Variants in NRG3 observed in about 807,000 individuals in gnomAD.
The protein encoded by NRG3 is pro-neuregulin-3, membrane-bound isoform.
In NRG3, 31 loss-of-function variants were observed where a neutral mutation model predicts 66.9. The ratio of observed to expected loss-of-function variants is 0.46; its 90% confidence interval spans 0.35 to 0.63. The LOEUF (loss-of-function observed/expected upper bound fraction) is 0.63, where lower values mean the gene tolerates loss of function less well. NRG3 is among the 20% of genes least tolerant of loss of function. NRG3 has a pLI of 0.00. For missense variants in NRG3, 910 were observed against 878.9 expected (o/e 1.04, Z -0.45); for synonymous variants, 393 against 359.4 (o/e 1.09, Z -1.06).
At chr10:82,462,395 C>CAT (rs139240439) in intron 2 of NRG3, among the ~76,000 whole-genome samples, 4,778 of 150,680 alleles carry the variant, frequency 0.032, 191 homozygotes, top group African/African-American at 0.097. Context: ...TACATATACA[C>CAT]ATATATATAT....
chr10:82,892,289 A>T (rs1843223126), intron 4 of NRG3, among the ~76,000 whole-genome samples: 1 of 152,162 alleles, frequency 6.6e-6, no homozygotes, highest in African/African-American at 2.4e-5. Context: ...TAGCCAAAAA[A>T]AAAGGCAAGC....
chr10:82,017,332 C>G (rs770964485), intron 1 of NRG3, among the ~76,000 whole-genome samples: 30 of 152,184 alleles, frequency 2.0e-4, no homozygotes, highest in Non-Finnish European at 4.0e-4. Flanking sequence ...TCCATCCAGT[C>G]TATCATTGTT....
chr10:82,075,055 T>C (rs917835574), intron 1 of NRG3, among the ~76,000 whole-genome samples: 2 of 152,200 alleles, frequency 1.3e-5, no homozygotes, highest in African/African-American at 4.8e-5. Flanking sequence ...GATGAATGAA[T>C]TTAAGTGTCA....
At chr10:82,881,328 C>T (rs1291505921) in intron 4 of NRG3, among the ~76,000 whole-genome samples, 1 of 152,196 alleles carries the variant, frequency 6.6e-6, no homozygotes, top group Admixed American at 6.5e-5. Flanking sequence ...AAGAAAGTAG[C>T]ATTTAACTTA....
intron 2 of NRG3, among the ~76,000 whole-genome samples, chr10:82,366,241 G>GTA (rs1352249973): frequency 6.6e-6 from 1 of 152,160 alleles, no homozygotes; most frequent in Non-Finnish European, 1.5e-5. Flanking sequence ...TAGATACTAT[G>GTA]TATATATATG....
At position 82,670,850 on chromosome 10, in the gene NRG3, G is replaced by C. The variant is rs76521456; in HGVS notation, c.954-67727G>C. On this transcript the variant is annotated intron_variant, in intron 2 of 8. Coordinates refer to ENST00000372141, the MANE Select transcript of NRG3 (RefSeq NM_001010848.4). ...CTTTTTAGGCAATGCATTGAAACAT[G>C]TTTGCATAGAGAGTTTCCTGATTGC... Among the ~76,000 whole-genome samples the C allele has an allele frequency of 6.2e-4, 94 of 152,260 alleles. 2 individuals are homozygous for C. The East Asian group carries it at 0.016, about 27-fold the overall frequency.
chr10:82,139,634 T>G (rs2069623832), intron 1 of NRG3, among the ~76,000 whole-genome samples: 1 of 152,148 alleles, frequency 6.6e-6, no homozygotes, highest in Admixed American at 6.6e-5. Context: ...TTGAAGTCTT[T>G]AAGGAGAGAA....
chr10:81,909,854 C>A (rs1160203014), intron 1 of NRG3, among the ~76,000 whole-genome samples: 1 of 152,126 alleles, frequency 6.6e-6, no homozygotes, highest in Non-Finnish European at 1.5e-5. Flanking sequence ...AGGAAATATG[C>A]GTGATGCTTT....
chr10:82,959,704 T>C (rs1850423325), intron 6 of NRG3, among the ~76,000 whole-genome samples: 3 of 152,168 alleles, frequency 2.0e-5, no homozygotes, highest in Admixed American at 1.3e-4. Flanking sequence ...AACTCCAAGT[T>C]AAGGGGTGTG....
chr10:82,667,685 T>C (rs1362654373), intron 2 of NRG3, among the ~76,000 whole-genome samples: 1 of 152,132 alleles, frequency 6.6e-6, no homozygotes, highest in Non-Finnish European at 1.5e-5. Context: ...TTACTCCTTG[T>C]CAAGAATGTC....
chr10:81,904,769 C>T (rs1291908098), intron 1 of NRG3, among the ~76,000 whole-genome samples: 2 of 152,144 alleles, frequency 1.3e-5, no homozygotes, highest in African/African-American at 4.8e-5. Flanking sequence ...TTATCCCAAA[C>T]TCCCAAACCG....
At chr10:82,809,439 T>A (rs1219438755) in intron 3 of NRG3, among the ~76,000 whole-genome samples, 1 of 152,044 alleles carries the variant, frequency 6.6e-6, no homozygotes, top group Non-Finnish European at 1.5e-5. Flanking sequence ...ATTTAAAAAA[T>A]GTGAACATAA....
At chr10:82,278,940 G>A (rs747036866) in intron 1 of NRG3, among the ~76,000 whole-genome samples, 13 of 152,066 alleles carry the variant, frequency 8.5e-5, no homozygotes, top group Non-Finnish European at 1.6e-4. Flanking sequence ...TGTCTGCTTC[G>A]GTTTCCTCAC....
chr10:82,160,596 G>C (rs1163833846), intron 1 of NRG3, among the ~76,000 whole-genome samples: 2 of 151,934 alleles, frequency 1.3e-5, no homozygotes, highest in Non-Finnish European at 2.9e-5. Flanking sequence ...ATAGTTCTCT[G>C]TTTGCTTTTA....
intron 1 of NRG3, among the ~76,000 whole-genome samples, chr10:82,227,472 G>T (rs929806042): frequency 6.6e-6 from 1 of 151,624 alleles, no homozygotes; most frequent in African/African-American, 2.4e-5. Flanking sequence ...AAACTTAAAG[G>T]GTTTTTCTTT....
At chr10:82,438,699 G>T (rs1242353937) in intron 2 of NRG3, among the ~76,000 whole-genome samples, 1 of 152,184 alleles carries the variant, frequency 6.6e-6, no homozygotes, top group Non-Finnish European at 1.5e-5. Flanking sequence ...TCCATGGGTT[G>T]CACAGTTCCG....
At chr10:82,177,689 T>C (rs927682978) in intron 1 of NRG3, among the ~76,000 whole-genome samples, 3 of 152,154 alleles carry the variant, frequency 2.0e-5, no homozygotes, top group African/African-American at 2.4e-5. Flanking sequence ...TCCTCCCACC[T>C]CAGCCTCACG....
intron 3 of NRG3, among the ~76,000 whole-genome samples, chr10:82,843,911 C>T (rs2063183095): frequency 6.6e-6 from 1 of 152,114 alleles, no homozygotes; most frequent in Admixed American, 6.5e-5. Flanking sequence ...ATAAACCTAT[C>T]TACATAGCAA....
chr10:82,842,031 A>T, intron 3 of NRG3, among the ~76,000 whole-genome samples: 1 of 152,140 alleles, frequency 6.6e-6, no homozygotes. Context: ...TTTAAAAATC[A>T]CTTGAGGTCA....
Sources: allele counts gnomAD v4.1 joint callset (sites outside exome capture counted in the v4.1 genomes callset), GRCh38; gene constraint gnomAD v4.1.1; transcripts MANE v1.5; gene names NCBI Gene and HGNC (gene_info 2026-07-23, HGNC 2026-07-21).